CORIN: variants seen among roughly 807,000 people sequenced by gnomAD.
CORIN encodes atrial natriuretic peptide-converting enzyme.
In CORIN, 117 loss-of-function variants were observed where a neutral mutation model predicts 125.3. That is an observed-to-expected ratio of 0.93 (90% CI 0.80 to 1.09). The LOEUF is 1.09. Ranked by LOEUF, CORIN falls within the 50% of genes least tolerant of loss-of-function variation. The pLI is 0.00. For missense variants in CORIN, 1,253 were observed against 1,306.7 expected (o/e 0.96, Z 0.63); for synonymous variants, 450 against 466.4 (o/e 0.96, Z 0.45).
At chr4:47,760,760 C>A (rs1410975856) in intron 4 of CORIN, among the ~76,000 whole-genome samples, 1 of 152,214 alleles carries the variant, frequency 6.6e-6, no homozygotes, top group Non-Finnish European at 1.5e-5. Flanking sequence ...TCTTCCAGTA[C>A]AAAGCTGTTT....
At chr4:47,782,948 A>C (rs548341990) in intron 3 of CORIN, among the ~76,000 whole-genome samples, 261 of 152,202 alleles carry the variant, frequency 1.7e-3, no homozygotes, top group African/African-American at 6.1e-3. Context: ...AATGATGAGA[A>C]TATTCTAAAA....
chr4:47,767,051 G>A (rs1729788933), intron 3 of CORIN, among the ~76,000 whole-genome samples: 2 of 151,936 alleles, frequency 1.3e-5, no homozygotes, highest in South Asian at 4.2e-4. Context: ...TAGTAAAGGG[G>A]AAAAAGGCAT....
At position 47,793,120 on chromosome 4, in the gene CORIN, T is replaced by A. The variant is rs577506253; in HGVS notation, c.209-6195A>T. ...GAAAAAGCCCAAATCTGAAGCAATCTGATGATTTCCTCCAGATGCCTCACC... is the reference window on the plus strand; with the variant it reads ...GAAAAAGCCCAAATCTGAAGCAATCAGATGATTTCCTCCAGATGCCTCACC... On this transcript the variant is annotated intron_variant, in intron 2 of 21. Coordinates refer to ENST00000273857, the MANE Select transcript of CORIN (RefSeq NM_006587.4). 1.8e-4 allele frequency among the ~76,000 whole-genome samples: 28 copies of A among 152,288 alleles called. No individual in the cohort carries two copies. The South Asian group carries it at 5.0e-3, about 27-fold the overall frequency.
chr4:47,837,800 G>T, intron 1 of CORIN, 87 bp downstream of exon 1: 1 of 1,172,574 alleles, frequency 8.5e-7, no homozygotes, highest in South Asian at 1.2e-5. Flanking sequence ...AGGAGAGGAC[G>T]GGGGCGGGAG....
At chr4:47,615,141 A>G (rs913883893) in intron 19 of CORIN, among the ~76,000 whole-genome samples, 3 of 152,206 alleles carry the variant, frequency 2.0e-5, no homozygotes. Flanking sequence ...GGAGGATTTC[A>G]GGAGCTGAAT....
At chr4:47,670,130 C>T (rs1724682682) in intron 10 of CORIN, among the ~76,000 whole-genome samples, 2 of 152,218 alleles carry the variant, frequency 1.3e-5, no homozygotes, top group African/African-American at 4.8e-5. Flanking sequence ...TGAACCTCGG[C>T]AGCTGAATCA....
intron 16 of CORIN, among the ~76,000 whole-genome samples, chr4:47,637,629 C>G (rs1218322062): frequency 6.6e-6 from 1 of 152,222 alleles, no homozygotes; most frequent in Non-Finnish European, 1.5e-5. Flanking sequence ...GCAGCTTCCA[C>G]ATGGTGTTGA....
chr4:47,786,895 T>G lies in CORIN; in HGVS notation c.239A>C (p.Asn80Thr). The change falls in exon 3 of 22, where the codon AAT (asparagine) becomes ACT (threonine). Residue 80 changes from asparagine (N) to threonine (T), a missense_variant. Coordinates refer to ENST00000273857, the MANE Select transcript of CORIN (RefSeq NM_006587.4). ...GTLQKVYFKS[N>T]GSEPLVTDGE... Reference sequence around the variant, plus strand: ...ATCAGTGACCAAAGGTTCACTCCCATTTGATTTAAAATAGACCTTTTGTAA... The same window carrying G: ...ATCAGTGACCAAAGGTTCACTCCCAGTTGATTTAAAATAGACCTTTTGTAA... 6.2e-7 allele frequency: 1 copy of G among 1,613,490 alleles called. No homozygotes were observed. Among genetic ancestry groups the G allele is most frequent in the Non-Finnish European group, 8.5e-7 (1 of 1,179,454 alleles).
intron 9 of CORIN, among the ~76,000 whole-genome samples, chr4:47,675,464 C>T (rs1339945578): frequency 6.6e-6 from 1 of 151,894 alleles, no homozygotes; most frequent in Non-Finnish European, 1.5e-5. Flanking sequence ...TTAATGTCAG[C>T]AGGGTCAAAA....
chr4:47,752,009 T>C (rs1358021356), intron 4 of CORIN, among the ~76,000 whole-genome samples: 2 of 151,806 alleles, frequency 1.3e-5, no homozygotes, highest in African/African-American at 4.8e-5. Context: ...GCAGGACTGA[T>C]CCCATCATGA....
chr4:47,797,100 TTAAAGGGGTG>T (rs1368526819), intron 2 of CORIN, among the ~76,000 whole-genome samples: 96 of 152,032 alleles, frequency 6.3e-4, no homozygotes, highest in African/African-American at 2.2e-3. Flanking sequence ...TACATATTTG[TTAAAGGGGTG>T]AATAGTATTA....
At chr4:47,793,059 T>C (rs952173268) in intron 2 of CORIN, among the ~76,000 whole-genome samples, 1 of 152,134 alleles carries the variant, frequency 6.6e-6, no homozygotes, top group African/African-American at 2.4e-5. Flanking sequence ...TGTTACACTT[T>C]ATTGAATATA....
At chr4:47,664,299 G>A (rs752209864) in intron 11 of CORIN, among the ~76,000 whole-genome samples, 1 of 152,070 alleles carries the variant, frequency 6.6e-6, no homozygotes, top group African/African-American at 2.4e-5. Context: ...GTCCATTCAG[G>A]GTTCATTACA....
At chr4:47,759,490 A>G (rs748359326) in intron 4 of CORIN, among the ~76,000 whole-genome samples, 9 of 152,212 alleles carry the variant, frequency 5.9e-5, no homozygotes, top group African/African-American at 9.6e-5. Context: ...TCCAAAATAC[A>G]TAAGGAACTC....
intron 5 of CORIN, among the ~76,000 whole-genome samples, chr4:47,727,237 A>T (rs1174886111): frequency 1.3e-5 from 2 of 152,104 alleles, no homozygotes; most frequent in African/African-American, 4.8e-5. Context: ...GAATGCCATT[A>T]TTCAATAAAA....
At chr4:47,637,244 G>A (rs1362270835) in intron 16 of CORIN, among the ~76,000 whole-genome samples, 1 of 152,164 alleles carries the variant, frequency 6.6e-6, no homozygotes, top group Non-Finnish European at 1.5e-5. Flanking sequence ...GCTGTTAAAG[G>A]CATTCATTTT....
chr4:47,648,598 A>T (rs1329194093), intron 13 of CORIN, among the ~76,000 whole-genome samples: 1 of 152,176 alleles, frequency 6.6e-6, no homozygotes, highest in African/African-American at 2.4e-5. Flanking sequence ...AACAGTTGTC[A>T]TTACAAATAA....
intron 19 of CORIN, among the ~76,000 whole-genome samples, chr4:47,617,439 G>A (rs181885130): frequency 1.9e-4 from 29 of 152,326 alleles, no homozygotes; most frequent in Non-Finnish European, 3.4e-4. Context: ...GGGATTGCAC[G>A]TTAGGCCACC....
chr4:47,605,493 A>C (rs894310863), intron 19 of CORIN, among the ~76,000 whole-genome samples: 2 of 152,152 alleles, frequency 1.3e-5, no homozygotes, highest in Non-Finnish European at 2.9e-5. Context: ...AGGATAAAAA[A>C]TGTGGACATT....
Sources: allele counts gnomAD v4.1 joint callset (sites outside exome capture counted in the v4.1 genomes callset), GRCh38; gene constraint gnomAD v4.1.1; transcripts MANE v1.5; gene names NCBI Gene and HGNC (gene_info 2026-07-23, HGNC 2026-07-21).